PPP1R13B: variants seen among roughly 807,000 people sequenced by gnomAD.
PPP1R13B encodes the protein apoptosis-stimulating of p53 protein 1.
A neutral mutation model predicts 119.8 loss-of-function variants in PPP1R13B; 44 were observed. The ratio of observed to expected loss-of-function variants is 0.37; its 90% CI spans 0.29 to 0.47. PPP1R13B has a LOEUF of 0.47. PPP1R13B is among the 20% of genes least tolerant of loss of function. The pLI, the probability that PPP1R13B is intolerant of heterozygous loss-of-function variation, is 0.99. For missense variants in PPP1R13B, 1,227 were observed against 1,413.5 expected (o/e 0.87, Z 2.12); for synonymous variants, 542 against 561.5 (o/e 0.97, Z 0.49).
chr14:103,791,556 C>T (rs1291973154), intron 2 of PPP1R13B, among the ~76,000 whole-genome samples: 1 of 152,106 alleles, frequency 6.6e-6, no homozygotes, highest in Admixed American at 6.6e-5. Flanking sequence ...GAAATCCCGT[C>T]TCTACTAAAA....
chr14:103,742,911 C>T lies in PPP1R13B; in HGVS notation c.1151-88G>A, dbSNP rs796228699. 7 of 1,436,988 alleles carry T rather than the reference C, an allele frequency of 4.9e-6. No homozygotes were observed. The highest frequency in any genetic ancestry group is 1.4e-5 in the African/African-American group (1 of 71,296). 89.0% of individuals were successfully genotyped at this position (1,436,988 alleles called of 1,614,324 possible). A position where few individuals can be genotyped will look rare whatever the true frequency, so the allele number is the denominator to read the frequency against. ...AACACTCTGCCAGAAACAAAAACAGCACTGGGACATCCCATTCTGATGCAG... is the reference window on the plus strand; with the variant it reads ...AACACTCTGCCAGAAACAAAAACAGTACTGGGACATCCCATTCTGATGCAG... On this transcript the variant is annotated intron_variant, in intron 9 of 16. Transcript: ENST00000202556. The surrounding 1 kb of genome is among the most constrained non-coding windows in gnomAD (Gnocchi z 4.9).
At chr14:103,822,138 C>CTT (rs1054527061) in intron 1 of PPP1R13B, among the ~76,000 whole-genome samples, 2 of 146,188 alleles carry the variant, frequency 1.4e-5, no homozygotes. Flanking sequence ...CAAAAAGCCA[C>CTT]TTTTTTTTTT....
At chr14:103,825,643 G>C (rs2086520326) in intron 1 of PPP1R13B, among the ~76,000 whole-genome samples, 1 of 152,140 alleles carries the variant, frequency 6.6e-6, no homozygotes, top group Non-Finnish European at 1.5e-5. Flanking sequence ...AGAAAGGTGA[G>C]GAAGCTGCAA....
At chr14:103,807,578 T>C (rs767445190) in intron 1 of PPP1R13B, among the ~76,000 whole-genome samples, 1 of 152,126 alleles carries the variant, frequency 6.6e-6, no homozygotes, top group African/African-American at 2.4e-5. Flanking sequence ...CACTGCAAGC[T>C]CTGCCTTCCG....
At chr14:103,739,272 T>C (rs2084190616) in intron 12 of PPP1R13B, 3 of 487,690 alleles carry the variant, frequency 6.2e-6, no homozygotes, top group East Asian at 3.1e-5. Context: ...GACACGGCTG[T>C]GTTTGAGCTT....
chr14:103,734,987 GA>G lies in PPP1R13B; in HGVS notation c.*166del, dbSNP rs1427528746. On this transcript the variant is annotated 3_prime_UTR_variant, in exon 17 of 17. Coordinates refer to ENST00000202556, the MANE Select transcript of PPP1R13B (RefSeq NM_015316.3). ...TCTCCCAGTTAATGGGCAAACTGGA[GA>G]AAGGGCCTCACCTGGAAACTGTAGG... 8.7e-6 allele frequency: 7 copies of G among 806,006 alleles called. 1 individual carries two copies. In the East Asian group the frequency reaches 1.9e-4, roughly 22 times the overall value. The allele number at this position is 806,006 out of a possible 1,614,324, so 49.9% of individuals were successfully genotyped here.
chr14:103,752,078 G>A (rs551939877), intron 7 of PPP1R13B, among the ~76,000 whole-genome samples: 4 of 152,232 alleles, frequency 2.6e-5, no homozygotes, highest in South Asian at 2.1e-4. Context: ...CTGGGGACCC[G>A]GAGCATTTCA....
chr14:103,752,443 C>T (rs187700505), intron 7 of PPP1R13B, among the ~76,000 whole-genome samples: 22 of 151,088 alleles, frequency 1.5e-4, no homozygotes, highest in Non-Finnish European at 2.8e-4. Flanking sequence ...TTAACTGTGG[C>T]GGTGGATGTA....
intron 1 of PPP1R13B, among the ~76,000 whole-genome samples, chr14:103,805,606 A>G (rs1177469882): frequency 6.6e-6 from 1 of 151,930 alleles, no homozygotes; most frequent in South Asian, 2.1e-4. Flanking sequence ...GAAGGAAGGA[A>G]GGAGAGAGAA....
At chr14:103,766,031 CG>C (rs1457744925) in intron 4 of PPP1R13B, among the ~76,000 whole-genome samples, 1 of 115,738 alleles carries the variant, frequency 8.6e-6, no homozygotes, top group East Asian at 2.4e-4. Flanking sequence ...TATTTTGAGA[CG>C]GAGTCTAGCT....
intron 4 of PPP1R13B, among the ~76,000 whole-genome samples, chr14:103,767,169 G>C (rs1024219586): frequency 6.6e-6 from 1 of 152,188 alleles, no homozygotes; most frequent in East Asian, 1.9e-4. Flanking sequence ...TTTAAAAATT[G>C]CTGGGCATGG....
intron 1 of PPP1R13B, among the ~76,000 whole-genome samples, chr14:103,823,047 G>C (rs1348566635): frequency 6.6e-6 from 1 of 151,606 alleles, no homozygotes; most frequent in African/African-American, 2.4e-5. Flanking sequence ...TCTTAGAACA[G>C]GGACAATTTG....
chr14:103,812,650 C>T (rs576341444), intron 1 of PPP1R13B, among the ~76,000 whole-genome samples: 1 of 151,966 alleles, frequency 6.6e-6, no homozygotes, highest in Non-Finnish European at 1.5e-5. Context: ...AACTCCTGAC[C>T]TCAAATGATC....
chr14:103,739,675 T>TA (rs2084202071), intron 12 of PPP1R13B, 149 bp downstream of exon 12: 1 of 969,344 alleles, frequency 1.0e-6, no homozygotes, highest in Non-Finnish European at 1.5e-6. Context: ...TTTGTCTGTG[T>TA]GACTGTCCGT....
At chr14:103,768,140 A>T (rs1185548055) in intron 4 of PPP1R13B, among the ~76,000 whole-genome samples, 1 of 141,554 alleles carries the variant, frequency 7.1e-6, no homozygotes, top group Non-Finnish European at 1.5e-5. Flanking sequence ...TTTGAGATGG[A>T]GTCTCACTCT....
chr14:103,742,735 C>G lies in PPP1R13B; in HGVS notation c.1239G>C (p.Pro413=), dbSNP rs12891833. Residue 413 remains proline, a synonymous_variant, in exon 10 of 17, where the codon CCG becomes CCC. Coordinates refer to ENST00000202556, the MANE Select transcript of PPP1R13B (RefSeq NM_015316.3). The surrounding 1 kb of genome is among the most constrained non-coding windows in gnomAD (Gnocchi z 4.9). ...VQVAGADWKD[P]SVEGSVKQGT... ...CCTGCTTGACAGACCCCTCCACGCT[C>G]GGATCCTTCCAGTCTGCACCGGCCA... 1 of 1,614,004 alleles carries G rather than the reference C, an allele frequency of 6.2e-7. No homozygotes were observed. The highest frequency in any genetic ancestry group is 8.5e-7 in the Non-Finnish European group (1 of 1,180,046).
chr14:103,767,196 T>C (rs904397263), intron 4 of PPP1R13B, among the ~76,000 whole-genome samples: 6 of 152,154 alleles, frequency 3.9e-5, no homozygotes, highest in African/African-American at 7.2e-5. Context: ...ACACCTCTAG[T>C]ACCAGCTACT....
chr14:103,762,747 G>A, intron 4 of PPP1R13B: 1 of 682,686 alleles, frequency 1.5e-6, no homozygotes, highest in African/African-American at 1.8e-5. Context: ...GACGGATGGG[G>A]GTGGAGGCGC....
At chr14:103,790,231 G>C (rs1260912980) in intron 2 of PPP1R13B, among the ~76,000 whole-genome samples, 7 of 141,672 alleles carry the variant, frequency 4.9e-5, no homozygotes, top group Non-Finnish European at 9.1e-5. Context: ...GGGATACAGA[G>C]TGAGACCCTG....
Sources: allele counts gnomAD v4.1 joint callset (sites outside exome capture counted in the v4.1 genomes callset), GRCh38; gene constraint gnomAD v4.1.1; non-coding constraint Gnocchi (gnomAD v3.1); transcripts MANE v1.5; gene names NCBI Gene and HGNC (gene_info 2026-07-23, HGNC 2026-07-21).